SPOCK1: variants seen among roughly 807,000 people sequenced by gnomAD.
SPOCK1 encodes the protein testican-1.
In SPOCK1, 23 loss-of-function variants were observed where a neutral mutation model predicts 55.3. That is an observed-to-expected ratio of 0.42 (90% CI 0.30 to 0.59). The LOEUF is 0.59. Ranked by LOEUF, SPOCK1 falls within the 20% of genes least tolerant of loss-of-function variation. The pLI is 0.22. For synonymous variants in SPOCK1, 226 were observed against 221.0 expected (o/e 1.02, Z -0.20); for missense variants, 499 against 552.5 (o/e 0.90, Z 0.97).
intron 2 of SPOCK1, among the ~76,000 whole-genome samples, chr5:137,283,875 C>T (rs1580846457): frequency 6.6e-6 from 1 of 152,320 alleles, no homozygotes; most frequent in East Asian, 1.9e-4. Flanking sequence ...GCCCAGTAGG[C>T]AGCAGAGCAA....
chr5:137,087,875 TG>T (rs11288823), intron 5 of SPOCK1, among the ~76,000 whole-genome samples: 121,570 of 152,044 alleles, frequency 0.8, 49,190 homozygotes, highest in East Asian at 1. Context: ...AACACAGGGG[TG>T]GGCTGTATCT....
intron 6 of SPOCK1, among the ~76,000 whole-genome samples, chr5:137,030,496 A>G (rs1160049695): frequency 6.6e-6 from 1 of 152,246 alleles, no homozygotes; most frequent in Non-Finnish European, 1.5e-5. Context: ...AAAATGTTCA[A>G]CCTCACAAGT....
intron 5 of SPOCK1, among the ~76,000 whole-genome samples, chr5:137,089,725 A>T (rs1487254701): frequency 6.7e-6 from 1 of 150,206 alleles, no homozygotes; most frequent in Non-Finnish European, 1.5e-5. Context: ...TCATCTCATG[A>T]TGAAACAGAA....
At chr5:137,061,465 G>A (rs1409161802) in intron 6 of SPOCK1, among the ~76,000 whole-genome samples, 1 of 152,154 alleles carries the variant, frequency 6.6e-6, no homozygotes, top group African/African-American at 2.4e-5. Context: ...TTTTTCTACT[G>A]TTCTAAATAG....
chr5:137,036,201 T>C (rs999505386), intron 6 of SPOCK1, among the ~76,000 whole-genome samples: 11 of 152,156 alleles, frequency 7.2e-5, no homozygotes, highest in Admixed American at 5.2e-4. Context: ...CTGGCAAATA[T>C]TAATTATTTT....
chr5:137,162,030 T>G (rs778010423), intron 3 of SPOCK1, among the ~76,000 whole-genome samples: 5 of 152,182 alleles, frequency 3.3e-5, no homozygotes, highest in Non-Finnish European at 7.3e-5. Context: ...TTCAAGCTGG[T>G]AAGAAAGTTG....
At chr5:137,055,191 CTG>C (rs552814293) in intron 6 of SPOCK1, among the ~76,000 whole-genome samples, 216 of 152,332 alleles carry the variant, frequency 1.4e-3, no homozygotes, top group African/African-American at 5.1e-3. Flanking sequence ...GAGCAACACA[CTG>C]TGGTTGTATC....
intron 2 of SPOCK1, among the ~76,000 whole-genome samples, chr5:137,391,433 G>T (rs1237572853): frequency 6.6e-6 from 1 of 152,074 alleles, no homozygotes; most frequent in African/African-American, 2.4e-5. Flanking sequence ...CCAACATGAA[G>T]GGCACCCAGC....
intron 4 of SPOCK1, among the ~76,000 whole-genome samples, chr5:137,124,012 G>A (rs1377279468): frequency 6.6e-6 from 1 of 152,002 alleles, no homozygotes; most frequent in East Asian, 1.9e-4. Context: ...TTTCTACCAG[G>A]TATTGCTCTG....
chr5:137,429,910 T>C (rs1752707357), intron 2 of SPOCK1, among the ~76,000 whole-genome samples: 1 of 152,220 alleles, frequency 6.6e-6, no homozygotes, highest in Admixed American at 6.5e-5. Flanking sequence ...TACACTATGA[T>C]TGGTGTAGAA....
intron 2 of SPOCK1, among the ~76,000 whole-genome samples, chr5:137,274,450 A>G (rs900770500): frequency 4.0e-4 from 61 of 152,310 alleles, no homozygotes; most frequent in African/African-American, 1.4e-3. Context: ...ATAAAACAAG[A>G]CCACTTGCAC....
chr5:137,083,318 C>A (rs552628704), intron 5 of SPOCK1, among the ~76,000 whole-genome samples: 1 of 152,174 alleles, frequency 6.6e-6, no homozygotes, highest in East Asian at 1.9e-4. Context: ...CTCCCCAGAG[C>A]AGCAGAGTGG....
In SPOCK1 at chr5:137,343,819, G is replaced by A. The variant is rs1391897428; in HGVS notation, c.187-76764C>T. ...ATATCAGAAAGCCTGTAAGGTGCTG[G>A]GGGCTACTGACATTCCCCCAGTTAA... On this transcript the variant is annotated intron_variant, in intron 2 of 10. Transcript: ENST00000394945. Among the ~76,000 whole-genome samples, 3 of 152,124 alleles carry A rather than the reference G, an allele frequency of 2.0e-5. No homozygotes were observed. In the East Asian group the frequency reaches 5.8e-4, roughly 29 times the overall value.
intron 3 of SPOCK1, among the ~76,000 whole-genome samples, chr5:137,223,523 C>T (rs553326045): frequency 3.9e-5 from 6 of 152,120 alleles, no homozygotes; most frequent in Non-Finnish European, 8.8e-5. Context: ...ATTCCAGGGA[C>T]CATCCATCTG....
At chr5:137,150,147 C>T (rs1754291398) in intron 3 of SPOCK1, among the ~76,000 whole-genome samples, 1 of 152,128 alleles carries the variant, frequency 6.6e-6, no homozygotes, top group Admixed American at 6.5e-5. Context: ...TCAGTCTTTC[C>T]AATCTCAAAA....
At chr5:137,082,379 G>A (rs1016608455) in intron 5 of SPOCK1, among the ~76,000 whole-genome samples, 10 of 152,216 alleles carry the variant, frequency 6.6e-5, no homozygotes, top group Non-Finnish European at 1.2e-4. Flanking sequence ...CTTGCAACAA[G>A]CTATTGGGAT....
intron 2 of SPOCK1, among the ~76,000 whole-genome samples, chr5:137,379,816 C>A (rs1034633624): frequency 6.6e-6 from 1 of 152,134 alleles, no homozygotes; most frequent in Admixed American, 6.5e-5. Context: ...GTGAGTGGGG[C>A]TTAAAACTAT....
At chr5:137,387,392 C>A (rs1454346989) in intron 2 of SPOCK1, among the ~76,000 whole-genome samples, 1 of 152,310 alleles carries the variant, frequency 6.6e-6, no homozygotes, top group East Asian at 1.9e-4. Context: ...AACTTGGAAG[C>A]AACCAAGATA....
chr5:137,033,765 C>T (rs1362393579), intron 6 of SPOCK1, among the ~76,000 whole-genome samples: 2 of 152,088 alleles, frequency 1.3e-5, no homozygotes, highest in Admixed American at 6.6e-5. Context: ...TATTAATTTT[C>T]ATTTATTTTT....
Sources: allele counts gnomAD v4.1 joint callset (sites outside exome capture counted in the v4.1 genomes callset), GRCh38; gene constraint gnomAD v4.1.1; transcripts MANE v1.5; gene names NCBI Gene and HGNC (gene_info 2026-07-23, HGNC 2026-07-21).